Variants in SHISA9 observed in about 807,000 individuals in gnomAD.
SHISA9 encodes the protein protein shisa-9.
SHISA9 carries 13 observed loss-of-function variants against 38.0 expected under a neutral mutation model. That is an observed-to-expected ratio of 0.34 (90% confidence interval 0.22 to 0.54). SHISA9 has a LOEUF of 0.54. Ranked by LOEUF, SHISA9 falls within the 20% of genes least tolerant of loss-of-function variation. The pLI is 0.91. For synonymous variants in SHISA9, 275 were observed against 242.0 expected (o/e 1.14, Z -1.27); for missense variants, 538 against 575.8 (o/e 0.93, Z 0.67).
At chr16:13,031,875 A>G (rs1405361587) in intron 2 of SHISA9, among the ~76,000 whole-genome samples, 2 of 152,160 alleles carry the variant, frequency 1.3e-5, no homozygotes, top group Admixed American at 1.3e-4. Flanking sequence ...AATGCAGAAA[A>G]CTGCACTCAA....
At chr16:13,147,350 G>T (rs2050456262) in intron 2 of SHISA9, among the ~76,000 whole-genome samples, 1 of 151,856 alleles carries the variant, frequency 6.6e-6, no homozygotes, top group South Asian at 2.1e-4. Flanking sequence ...TTTGCCCAAG[G>T]TCAGGTCATA....
At chr16:13,264,326 C>A in the SHISA9 span, among the ~76,000 whole-genome samples, 1 of 151,964 alleles carries the variant, frequency 6.6e-6, no homozygotes, top group South Asian at 2.1e-4. Context: ...AGGTGGACGC[C>A]ACCATGCCTA....
At chr16:13,306,384 C>T in the SHISA9 span, among the ~76,000 whole-genome samples, 6 of 152,102 alleles carry the variant, frequency 3.9e-5, no homozygotes, top group Non-Finnish European at 5.9e-5. Flanking sequence ...TAACAGATCT[C>T]GGTCATGTGC....
At chr16:13,514,728 C>T in the SHISA9 span, among the ~76,000 whole-genome samples, 4 of 152,088 alleles carry the variant, frequency 2.6e-5, no homozygotes, top group Non-Finnish European at 4.4e-5. Context: ...TGATTAGAGG[C>T]CCCAGAGAAT....
the SHISA9 span, among the ~76,000 whole-genome samples, chr16:13,532,290 C>G: frequency 0.079 from 11,975 of 152,168 alleles, 560 homozygotes; most frequent in East Asian, 0.15. Flanking sequence ...CCAGAGGCTT[C>G]TGGGTAACCT....
intron 2 of SHISA9, among the ~76,000 whole-genome samples, chr16:13,000,205 C>CG (rs774331734): frequency 3.3e-5 from 5 of 151,874 alleles, no homozygotes. Flanking sequence ...TGGTGACTCT[C>CG]GGGGGGACAA....
chr16:13,195,801 C>T (rs1031080492), intron 2 of SHISA9, among the ~76,000 whole-genome samples: 7 of 152,006 alleles, frequency 4.6e-5, no homozygotes, highest in South Asian at 2.1e-4. Flanking sequence ...AGACAAATTC[C>T]GTTTGGCCAG....
the SHISA9 span, among the ~76,000 whole-genome samples, chr16:13,284,450 C>T: frequency 2.0e-5 from 3 of 152,198 alleles, no homozygotes; most frequent in African/African-American, 4.8e-5. Flanking sequence ...AGATGTAGTG[C>T]TTGTATTTCT....
chr16:13,447,828 C>T, the SHISA9 span, among the ~76,000 whole-genome samples: 3 of 152,168 alleles, frequency 2.0e-5, no homozygotes, highest in South Asian at 2.1e-4. Flanking sequence ...AGTGGGTAAA[C>T]ATCACAGCAC....
At chr16:13,504,971 A>C in the SHISA9 span, among the ~76,000 whole-genome samples, 1 of 152,168 alleles carries the variant, frequency 6.6e-6, no homozygotes, top group Non-Finnish European at 1.5e-5. Context: ...CAGGCCCCAA[A>C]AGAAATGGGA....
chr16:13,220,525 G>C (rs1698281272), intron 4 of SHISA9, among the ~76,000 whole-genome samples: 1 of 152,148 alleles, frequency 6.6e-6, no homozygotes, highest in Admixed American at 6.5e-5. Flanking sequence ...CATGGTCCCA[G>C]GAAACTACAG....
At chr16:12,935,548 G>A (rs1321606967) in intron 2 of SHISA9, among the ~76,000 whole-genome samples, 2 of 152,052 alleles carry the variant, frequency 1.3e-5, no homozygotes, top group African/African-American at 2.4e-5. Flanking sequence ...AAGGAAAATC[G>A]AATAATTAGA....
At chr16:12,977,797 A>G (rs956341731) in intron 2 of SHISA9, among the ~76,000 whole-genome samples, 8 of 151,932 alleles carry the variant, frequency 5.3e-5, no homozygotes, top group African/African-American at 1.9e-4. Context: ...GAGGGGAACA[A>G]CACACACTGA....
At chr16:13,420,875 C>G in the SHISA9 span, among the ~76,000 whole-genome samples, 1 of 152,166 alleles carries the variant, frequency 6.6e-6, no homozygotes, top group Non-Finnish European at 1.5e-5. Context: ...ACTATGAAAT[C>G]CTCTCACGTA....
chr16:13,531,538 C>G, the SHISA9 span, among the ~76,000 whole-genome samples: 236 of 150,022 alleles, frequency 1.6e-3, 1 homozygote, highest in Non-Finnish European at 2.8e-3. Context: ...GTACTAGAGT[C>G]CATGATACGA....
chr16:12,989,904 A>G (rs576534401), intron 2 of SHISA9, among the ~76,000 whole-genome samples: 1 of 152,080 alleles, frequency 6.6e-6, no homozygotes, highest in South Asian at 2.1e-4. Context: ...CCGAGCACGC[A>G]TTAGCTATTC....
intron 3 of SHISA9, among the ~76,000 whole-genome samples, chr16:13,203,772 C>T (rs1282546243): frequency 6.6e-6 from 1 of 151,982 alleles, no homozygotes; most frequent in African/African-American, 2.4e-5. Context: ...TTCATTCATC[C>T]ATCCACCTAT....
the SHISA9 span, among the ~76,000 whole-genome samples, chr16:13,533,255 T>C: frequency 6.6e-6 from 1 of 152,110 alleles, no homozygotes; most frequent in African/African-American, 2.4e-5. Flanking sequence ...CCTTTAACGC[T>C]CTTATCTCCT....
chr16:13,255,065 G>A, the SHISA9 span, among the ~76,000 whole-genome samples: 1 of 151,976 alleles, frequency 6.6e-6, no homozygotes, highest in Non-Finnish European at 1.5e-5. Context: ...CTGCAGACTT[G>A]GATACCTGGC....
Sources: gnomAD v4.1 joint callset for allele counts (sites outside exome capture counted in the v4.1 genomes callset) on GRCh38, gnomAD v4.1.1 for gene constraint, MANE v1.5 for transcripts, NCBI Gene and HGNC (gene_info 2026-07-23, HGNC 2026-07-21) for gene names.